The following NCAM2 variants were observed in gnomAD, a reference collection of about 807,000 sequenced individuals.
The protein encoded by NCAM2 is neural cell adhesion molecule 2, also known as N-CAM-2.
In NCAM2, 30 loss-of-function variants were observed where a neutral mutation model predicts 98.1. The observed-to-expected ratio is 0.31, with a 90% CI of 0.23 to 0.41. The LOEUF is 0.41. Among genes scored for constraint, NCAM2 ranks in the 10% least tolerant of loss-of-function variants. The pLI is 1.00. For missense variants in NCAM2, 867 were observed against 1,005.8 expected, an observed-to-expected ratio of 0.86 and a Z score of 1.87; for synonymous variants, 368 against 342.4, an observed-to-expected ratio of 1.07 and a Z score of -0.83.
intron 14 of NCAM2, among the ~76,000 whole-genome samples, chr21:21,469,882 A>G (rs983081043): frequency 2.6e-5 from 4 of 152,110 alleles, no homozygotes; most frequent in Admixed American, 1.3e-4. Flanking sequence ...TCTCATTTGC[A>G]CATTTGTAAA....
chr21:21,385,921 T>C (rs2076262086), intron 9 of NCAM2, among the ~76,000 whole-genome samples: 1 of 152,154 alleles, frequency 6.6e-6, no homozygotes, highest in Admixed American at 6.6e-5. Context: ...CATTTACTTT[T>C]TTTTTCTATT....
chr21:21,529,620 T>C (rs1369871971), intron 16 of NCAM2, among the ~76,000 whole-genome samples: 2 of 152,016 alleles, frequency 1.3e-5, no homozygotes, highest in African/African-American at 4.8e-5. Context: ...ATTTATTAAT[T>C]GCATGAAATC....
intron 5 of NCAM2, among the ~76,000 whole-genome samples, chr21:21,298,292 C>A (rs947018097): frequency 1.3e-5 from 2 of 151,548 alleles, no homozygotes; most frequent in African/African-American, 2.4e-5. Context: ...ATTGAATCAA[C>A]CATGCAGACA....
At chr21:21,267,645 A>G (rs1001927817) in intron 1 of NCAM2, among the ~76,000 whole-genome samples, 2 of 152,100 alleles carry the variant, frequency 1.3e-5, no homozygotes, top group Admixed American at 6.5e-5. Context: ...ATATGGAGCA[A>G]TTTTCTTGTG....
intron 5 of NCAM2, among the ~76,000 whole-genome samples, chr21:21,306,531 TC>T (rs1601926902): frequency 6.6e-6 from 1 of 152,148 alleles, no homozygotes; most frequent in East Asian, 1.9e-4. Flanking sequence ...GTATCTTTTT[TC>T]CTTTCTTTTA....
At chr21:21,167,383 G>T (rs1432917195) in intron 1 of NCAM2, among the ~76,000 whole-genome samples, 2 of 151,894 alleles carry the variant, frequency 1.3e-5, no homozygotes, top group Non-Finnish European at 2.9e-5. Flanking sequence ...TAGCATAAAA[G>T]AGATATTTAT....
chr21:21,060,364 G>T (rs2065296932), intron 1 of NCAM2, among the ~76,000 whole-genome samples: 1 of 151,936 alleles, frequency 6.6e-6, no homozygotes, highest in South Asian at 2.1e-4. Context: ...CTGTGTATGG[G>T]TTCTGTGTAT....
chr21:21,537,256 A>C (rs76958722), intron 17 of NCAM2, among the ~76,000 whole-genome samples: 20,884 of 151,908 alleles, frequency 0.14, 1,680 homozygotes, highest in East Asian at 0.24. Context: ...CGTTTTGGCC[A>C]GGCTGGTCTT....
chr21:21,417,053 A>G (rs560018595), intron 10 of NCAM2, among the ~76,000 whole-genome samples: 2 of 152,236 alleles, frequency 1.3e-5, no homozygotes, highest in South Asian at 4.1e-4. Context: ...GCTTTTAAGA[A>G]ATTGTTCCAA....
chr21:21,216,304 TG>T (rs1418663402), intron 1 of NCAM2, among the ~76,000 whole-genome samples: 1 of 152,062 alleles, frequency 6.6e-6, no homozygotes, highest in Non-Finnish European at 1.5e-5. Flanking sequence ...ACGGAGTATG[TG>T]GGGGAAGGGT....
At chr21:21,094,666 A>G (rs1264531834) in intron 1 of NCAM2, among the ~76,000 whole-genome samples, 1 of 151,770 alleles carries the variant, frequency 6.6e-6, no homozygotes, top group East Asian at 1.9e-4. Context: ...GAATAAATGT[A>G]TGTAGTGTTT....
intron 1 of NCAM2, among the ~76,000 whole-genome samples, chr21:21,194,688 T>G (rs1250693310): frequency 6.6e-6 from 1 of 152,160 alleles, no homozygotes. Context: ...AATATTTTAT[T>G]TTGTATTTTT....
At chr21:21,256,313 G>T (rs951821089) in intron 1 of NCAM2, among the ~76,000 whole-genome samples, 1 of 152,070 alleles carries the variant, frequency 6.6e-6, no homozygotes, top group African/African-American at 2.4e-5. Context: ...CCGAGATCAC[G>T]CCATTGCACT....
chr21:21,170,080 A>G (rs1315065931), intron 1 of NCAM2, among the ~76,000 whole-genome samples: 2 of 152,252 alleles, frequency 1.3e-5, no homozygotes, highest in Non-Finnish European at 2.9e-5. Flanking sequence ...TATAGTGGCC[A>G]AAATCCAAAA....
chr21:21,000,101 G>A (rs1022295380), intron 1 of NCAM2, among the ~76,000 whole-genome samples: 1 of 152,160 alleles, frequency 6.6e-6, no homozygotes, highest in Non-Finnish European at 1.5e-5. Context: ...AGCCCAATTC[G>A]TTAATTCAGT....
At chr21:21,290,326 A>G (rs1257634180) in intron 4 of NCAM2, among the ~76,000 whole-genome samples, 1 of 151,912 alleles carries the variant, frequency 6.6e-6, no homozygotes, top group South Asian at 2.1e-4. Flanking sequence ...TTTATTTATA[A>G]TTGCCTCTCA....
chr21:21,050,491 C>A (rs1340247405), intron 1 of NCAM2, among the ~76,000 whole-genome samples: 1 of 151,842 alleles, frequency 6.6e-6, no homozygotes, highest in Admixed American at 6.6e-5. Context: ...ATTTTTTTTC[C>A]TTCTTTCGTA....
intron 12 of NCAM2, among the ~76,000 whole-genome samples, chr21:21,458,395 G>A (rs1413715122): frequency 6.6e-6 from 1 of 152,232 alleles, no homozygotes; most frequent in Non-Finnish European, 1.5e-5. Flanking sequence ...CAGGTCCCTA[G>A]CTCTGGAGAG....
At position 21,455,210 on chromosome 21, in the gene NCAM2, C is replaced by CAAAAAAA. The variant is rs5842926; in HGVS notation, c.1655-11380_1655-11374dup. On this transcript the variant is annotated intron_variant, in intron 12 of 17. Coordinates refer to ENST00000400546, the MANE Select transcript of NCAM2 (RefSeq NM_004540.5). ...GTCCTTTTAAAAGGAAACCTATTGG[C>CAAAAAAA]AAAAAAAAAAAAAAAAAAAAAAGTT... 4.5e-4 allele frequency among the ~76,000 whole-genome samples: 43 copies of CAAAAAAA among 95,438 alleles called. 1 individual carries two copies. Among genetic ancestry groups the CAAAAAAA allele is most frequent in the African/African-American group, 1.5e-3 (38 of 25,614 alleles). 62.6% of individuals were successfully genotyped at this position (95,438 alleles called of 152,430 possible).
Sources: allele counts gnomAD v4.1 joint callset (sites outside exome capture counted in the v4.1 genomes callset), GRCh38; gene constraint gnomAD v4.1.1; transcripts MANE v1.5; gene names NCBI Gene and HGNC (gene_info 2026-07-23, HGNC 2026-07-21).